NDST3: variants seen among roughly 807,000 people sequenced by gnomAD.
The protein encoded by NDST3 is bifunctional heparan sulfate N-deacetylase/N-sulfotransferase 3.
NDST3 carries 58 observed loss-of-function variants against 96.1 expected under a neutral mutation model. The observed-to-expected ratio is 0.60, with a 90% CI of 0.49 to 0.75. The LOEUF (loss-of-function observed/expected upper bound fraction) is 0.75, where lower values mean the gene tolerates loss of function less well. Among genes scored for constraint, NDST3 ranks in the 30% least tolerant of loss-of-function variants. The probability of loss-of-function intolerance (pLI) is 0.00; values close to 1 mark genes in which losing one functional copy is unlikely to be tolerated. For missense variants in NDST3, 788 were observed against 1,034.2 expected (o/e 0.76, Z 3.27); for synonymous variants, 333 against 359.7 (o/e 0.93, Z 0.84).
intron 2 of NDST3, among the ~76,000 whole-genome samples, chr4:118,075,272 C>T (rs530783715): frequency 1.3e-5 from 2 of 152,288 alleles, no homozygotes; most frequent in South Asian, 4.1e-4. Context: ...TGTATATGTG[C>T]CACAATTTCT....
At chr4:118,228,567 A>C (rs1445537365) in intron 8 of NDST3, among the ~76,000 whole-genome samples, 1 of 152,216 alleles carries the variant, frequency 6.6e-6, no homozygotes, top group Non-Finnish European at 1.5e-5. Flanking sequence ...TTTTTTATAG[A>C]AATTGATTTT....
chr4:118,051,318 A>G (rs1011074385), intron 1 of NDST3, among the ~76,000 whole-genome samples: 1 of 152,174 alleles, frequency 6.6e-6, no homozygotes, highest in Non-Finnish European at 1.5e-5. Context: ...AAGTAAATCT[A>G]AGAAATACTG....
At chr4:118,216,681 T>C (rs796360836) in intron 6 of NDST3, among the ~76,000 whole-genome samples, 2 of 151,908 alleles carry the variant, frequency 1.3e-5, no homozygotes, top group African/African-American at 4.8e-5. Flanking sequence ...CAGAGGGAAA[T>C]GGACAGTAAG....
At chr4:118,123,177 C>A (rs1317004328) in intron 4 of NDST3, among the ~76,000 whole-genome samples, 1 of 152,162 alleles carries the variant, frequency 6.6e-6, no homozygotes, top group African/African-American at 2.4e-5. Flanking sequence ...CTCAGTGCTG[C>A]AAGCATTACT....
Position 118,164,982 on chromosome 4 carries a change from A to C in NDST3, c.1539+21298A>C, listed in dbSNP as rs560756413. 5.9e-5 allele frequency among the ~76,000 whole-genome samples: 9 copies of C among 152,314 alleles called. No homozygotes were observed. The East Asian group carries it at 1.7e-3, about 29-fold the overall frequency. On this transcript the variant is annotated intron_variant, in intron 6 of 13. Transcript: ENST00000296499. Reference sequence around the variant, plus strand: ...CAAAGCCTATCACTATACAAAAATCAACAAAACACAAAGGAAGACAGCAAG... The same window carrying C: ...CAAAGCCTATCACTATACAAAAATCCACAAAACACAAAGGAAGACAGCAAG...
At chr4:118,151,468 A>G (rs1734395524) in intron 6 of NDST3, among the ~76,000 whole-genome samples, 1 of 152,302 alleles carries the variant, frequency 6.6e-6, no homozygotes, top group East Asian at 1.9e-4. Flanking sequence ...GAACATGCCT[A>G]ATAGTGAGTA....
chr4:118,179,544 T>C (rs1736470786), intron 6 of NDST3, among the ~76,000 whole-genome samples: 1 of 152,016 alleles, frequency 6.6e-6, no homozygotes, highest in African/African-American at 2.4e-5. Context: ...CAATTAAACT[T>C]TTTTAAAAAC....
At chr4:118,058,610 T>C (rs1725633721) in intron 2 of NDST3, among the ~76,000 whole-genome samples, 1 of 35,572 alleles carries the variant, frequency 2.8e-5, no homozygotes, top group Admixed American at 5.1e-4. Flanking sequence ...TGTGTGTGTG[T>C]GTGTGTGTGT....
At chr4:118,121,842 C>G (rs551618219) in intron 4 of NDST3, among the ~76,000 whole-genome samples, 2 of 152,250 alleles carry the variant, frequency 1.3e-5, no homozygotes, top group South Asian at 4.2e-4. Flanking sequence ...TTACCCATAT[C>G]TACAGTACTG....
At chr4:118,142,222 GTT>G (rs763961420) in intron 5 of NDST3, among the ~76,000 whole-genome samples, 1 of 151,762 alleles carries the variant, frequency 6.6e-6, no homozygotes, top group Non-Finnish European at 1.5e-5. Context: ...TTAAACAGAA[GTT>G]TTTTAACTAT....
chr4:118,157,005 C>G (rs569172663), intron 6 of NDST3, among the ~76,000 whole-genome samples: 1 of 152,108 alleles, frequency 6.6e-6, no homozygotes, highest in Admixed American at 6.5e-5. Flanking sequence ...GAGTGCAAAC[C>G]ATTTTTTCAG....
At chr4:118,033,930 G>C (rs935752468), upstream of NDST3, 1 of 152,164 alleles carries the variant, frequency 6.6e-6, no homozygotes, top group African/African-American at 2.4e-5. Context: ...CATGGAGGAC[G>C]GGGCCGGTCT....
At chr4:118,249,961 T>G (rs1009719767) in intron 12 of NDST3, among the ~76,000 whole-genome samples, 1 of 152,230 alleles carries the variant, frequency 6.6e-6, no homozygotes, top group South Asian at 2.1e-4. Flanking sequence ...CCTTGACCCC[T>G]AGGAATCATC....
At chr4:118,055,329 G>A in intron 2 of NDST3, 1 of 204,352 alleles carries the variant, frequency 4.9e-6, no homozygotes, top group East Asian at 1.4e-4. Context: ...AGATACTTTT[G>A]GAAGTCAAAT....
chr4:118,063,066 T>G (rs1340073737), intron 2 of NDST3, among the ~76,000 whole-genome samples: 1 of 151,766 alleles, frequency 6.6e-6, no homozygotes, highest in Non-Finnish European at 1.5e-5. Flanking sequence ...GGCACACTCC[T>G]GTAGTCCCAG....
chr4:118,200,454 C>G (rs56001813), intron 6 of NDST3, among the ~76,000 whole-genome samples: 1 of 152,136 alleles, frequency 6.6e-6, no homozygotes. Flanking sequence ...GCAGTGAGGT[C>G]CCTTCTGGCC....
intron 6 of NDST3, among the ~76,000 whole-genome samples, chr4:118,158,058 G>A (rs764942984): frequency 1.5e-4 from 23 of 152,074 alleles, no homozygotes; most frequent in African/African-American, 3.1e-4. Context: ...CTGAGTTTTC[G>A]CCATAAAACG....
chr4:118,159,773 T>C (rs1422301588), intron 6 of NDST3, among the ~76,000 whole-genome samples: 2 of 151,720 alleles, frequency 1.3e-5, no homozygotes, highest in African/African-American at 4.8e-5. Context: ...ATAACTGAAG[T>C]GAAAAAATCA....
chr4:118,053,633 T>TA, intron 1 of NDST3, 123 bp from the exon 2 acceptor site: 1 of 262,728 alleles, frequency 3.8e-6, no homozygotes, highest in African/African-American at 2.2e-5. Flanking sequence ...AGGGAGGGCT[T>TA]CGAATTTACT....
Sources: gnomAD v4.1 joint callset for allele counts (sites outside exome capture counted in the v4.1 genomes callset) on GRCh38, gnomAD v4.1.1 for gene constraint, MANE v1.5 for transcripts, NCBI Gene and HGNC (gene_info 2026-07-23, HGNC 2026-07-21) for gene names.